Variants in NALF1 observed in about 807,000 individuals in gnomAD.
The protein encoded by NALF1 is NALCN channel auxiliary factor 1, also known as family with sequence similarity 155 member A.
Under a neutral mutation model 48.4 loss-of-function variants are expected in NALF1, and 3 were observed. The ratio of observed to expected loss-of-function variants is 0.06; its 90% CI spans 0.03 to 0.16. The LOEUF (loss-of-function observed/expected upper bound fraction) is 0.16. Ranked by LOEUF, NALF1 falls within the 10% of genes least tolerant of loss-of-function variation. The pLI is 1.00. For synonymous variants in NALF1, 262 were observed against 245.7 expected (o/e 1.07, Z -0.62); for missense variants, 526 against 571.5 (o/e 0.92, Z 0.81).
chr13:107,415,843 T>A (rs573565367), intron 1 of NALF1, among the ~76,000 whole-genome samples: 77 of 152,286 alleles, frequency 5.1e-4, no homozygotes, highest in Admixed American at 1.4e-3. Context: ...ATTTTCTAAC[T>A]ACAATATTGA....
At chr13:107,599,803 A>G (rs1185184391) in intron 1 of NALF1, among the ~76,000 whole-genome samples, 2 of 152,196 alleles carry the variant, frequency 1.3e-5, no homozygotes, top group Non-Finnish European at 1.5e-5. Context: ...TTCTTTATCT[A>G]AACAAGTTGT....
chr13:107,205,516 A>G (rs965750348), intron 2 of NALF1, among the ~76,000 whole-genome samples: 18 of 152,032 alleles, frequency 1.2e-4, no homozygotes, highest in Non-Finnish European at 2.2e-4. Context: ...CCCATCTCCC[A>G]TTGCAGCCTC....
chr13:107,638,431 T>C (rs1290013689), intron 1 of NALF1, among the ~76,000 whole-genome samples: 1 of 151,900 alleles, frequency 6.6e-6, no homozygotes, highest in Non-Finnish European at 1.5e-5. Flanking sequence ...CAAGTATTTA[T>C]TGCATGCTGA....
intron 1 of NALF1, among the ~76,000 whole-genome samples, chr13:107,352,986 G>A (rs1387041753): frequency 6.6e-6 from 1 of 151,914 alleles, no homozygotes; most frequent in Non-Finnish European, 1.5e-5. Flanking sequence ...TTTTCTGAGG[G>A]CAACCCCAAG....
At chr13:107,233,299 A>G (rs924691823) in intron 1 of NALF1, among the ~76,000 whole-genome samples, 1 of 152,240 alleles carries the variant, frequency 6.6e-6, no homozygotes, top group African/African-American at 2.4e-5. Context: ...GAGACACATG[A>G]TAACACAACC....
intron 1 of NALF1, among the ~76,000 whole-genome samples, chr13:107,325,505 G>A (rs1430738718): frequency 6.6e-6 from 1 of 151,934 alleles, no homozygotes; most frequent in Non-Finnish European, 1.5e-5. Context: ...TTTTTACACT[G>A]ACTTCCAATA....
chr13:107,633,974 C>T (rs1373759871), intron 1 of NALF1, among the ~76,000 whole-genome samples: 3 of 112,748 alleles, frequency 2.7e-5, no homozygotes, highest in South Asian at 5.9e-4. Flanking sequence ...TACATACATC[C>T]TGTTTTACCA....
intron 1 of NALF1, among the ~76,000 whole-genome samples, chr13:107,602,112 T>C (rs1013120129): frequency 4.9e-4 from 75 of 152,326 alleles, no homozygotes; most frequent in African/African-American, 1.8e-3. Flanking sequence ...AGCTTTTCAA[T>C]CAGAAGATCT....
chr13:107,284,864 G>C (rs1420541702), intron 1 of NALF1, among the ~76,000 whole-genome samples: 1 of 152,036 alleles, frequency 6.6e-6, no homozygotes, highest in Non-Finnish European at 1.5e-5. Flanking sequence ...CTAGCTTCCA[G>C]AGCCGCGAGA....
At chr13:107,409,476 C>T (rs1013391518) in intron 1 of NALF1, among the ~76,000 whole-genome samples, 1 of 152,030 alleles carries the variant, frequency 6.6e-6, no homozygotes, top group African/African-American at 2.4e-5. Context: ...GATGCTTGAG[C>T]CAAACTATGG....
At chr13:107,377,000 CG>C (rs1448778071) in intron 1 of NALF1, among the ~76,000 whole-genome samples, 2 of 152,126 alleles carry the variant, frequency 1.3e-5, no homozygotes, top group Non-Finnish European at 2.9e-5. Context: ...TAATGCCAAC[CG>C]ATTTCTCTGT....
intron 1 of NALF1, among the ~76,000 whole-genome samples, chr13:107,657,651 CTACTCTGAA>C (rs1880618299): frequency 6.6e-6 from 1 of 152,130 alleles, no homozygotes; most frequent in Admixed American, 6.6e-5. Flanking sequence ...TGAACAGTGA[CTACTCTGAA>C]TACTCAGGAG....
At chr13:107,677,960 A>G (rs1031347920) in intron 1 of NALF1, among the ~76,000 whole-genome samples, 3 of 152,204 alleles carry the variant, frequency 2.0e-5, no homozygotes, top group African/African-American at 7.2e-5. Context: ...TTAAACGTCC[A>G]TAGCATATTT....
intron 1 of NALF1, among the ~76,000 whole-genome samples, chr13:107,542,707 T>C (rs1877030103): frequency 6.6e-6 from 1 of 152,124 alleles, no homozygotes; most frequent in Non-Finnish European, 1.5e-5. Flanking sequence ...AATACGTTAG[T>C]AGTTCTATAT....
intron 1 of NALF1, among the ~76,000 whole-genome samples, chr13:107,814,958 T>G (rs191112847): frequency 7.9e-5 from 12 of 152,200 alleles, no homozygotes; most frequent in Admixed American, 1.3e-4. Flanking sequence ...TATAAAATGT[T>G]GGAAGTCATA....
At chr13:107,237,094 T>G (rs1308848299) in intron 1 of NALF1, among the ~76,000 whole-genome samples, 2 of 83,548 alleles carry the variant, frequency 2.4e-5, no homozygotes, top group Non-Finnish European at 6.0e-5. Flanking sequence ...ATGTGGTTTT[T>G]TTTTTTTTTT....
chr13:107,666,929 G>C (rs935573111), intron 1 of NALF1, among the ~76,000 whole-genome samples: 1 of 152,000 alleles, frequency 6.6e-6, no homozygotes, highest in African/African-American at 2.4e-5. Flanking sequence ...ATCCTGTTCA[G>C]GTATGTTAGA....
At position 107,166,109 on chromosome 13, in the gene NALF1, C is replaced by T. The variant is rs550946562; in HGVS notation, c.*4388G>A. On this transcript the variant is annotated 3_prime_UTR_variant, in exon 3 of 3. Transcript: ENST00000375915. Reference sequence around the variant, plus strand: ...ATATAACCCTAACGCCTCATATATGCATATGCACACTTATGAAATTAAATA... The same window carrying T: ...ATATAACCCTAACGCCTCATATATGTATATGCACACTTATGAAATTAAATA... 2.6e-5 allele frequency: 4 copies of T among 151,750 alleles called. No homozygotes were observed. Among genetic ancestry groups the T allele is most frequent in the Admixed American group, 1.3e-4 (2 of 15,218 alleles). 9.4% of individuals were successfully genotyped at this position (151,750 alleles called of 1,614,324 possible).
chr13:107,321,266 A>T (rs1300532947), intron 1 of NALF1, among the ~76,000 whole-genome samples: 1 of 152,128 alleles, frequency 6.6e-6, no homozygotes, highest in Non-Finnish European at 1.5e-5. Flanking sequence ...TAATGAGCTG[A>T]AGAGAACAGG....
Sources: gnomAD v4.1 joint callset for allele counts (sites outside exome capture counted in the v4.1 genomes callset) on GRCh38, gnomAD v4.1.1 for gene constraint, MANE v1.5 for transcripts, NCBI Gene and HGNC (gene_info 2026-07-23, HGNC 2026-07-21) for gene names.